The following CDH26 variants were observed in gnomAD, a reference collection of about 807,000 sequenced individuals.
CDH26 encodes the protein cadherin 26, also known as cadherin-like protein 26.
Under a neutral mutation model 90.3 loss-of-function variants are expected in CDH26, and 83 were observed. The ratio of observed to expected loss-of-function variants is 0.92; its 90% CI spans 0.77 to 1.10. The LOEUF (loss-of-function observed/expected upper bound fraction) is 1.10, where lower values mean the gene tolerates loss of function less well. CDH26 is among the 50% of genes least tolerant of loss of function. The pLI is 0.00. For missense variants in CDH26, 1,013 were observed against 1,037.6 expected (o/e 0.98, Z 0.33); for synonymous variants, 397 against 396.3 (o/e 1.00, Z -0.02).
intron 5 of CDH26, among the ~76,000 whole-genome samples, chr20:59,983,462 T>C (rs979636167): frequency 6.6e-6 from 1 of 152,150 alleles, no homozygotes; most frequent in African/African-American, 2.4e-5. Flanking sequence ...CAACCGACTC[T>C]TACTAGAATG....
chr20:59,974,047 A>G (rs2061297511), intron 4 of CDH26, among the ~76,000 whole-genome samples: 1 of 152,256 alleles, frequency 6.6e-6, no homozygotes, highest in South Asian at 2.1e-4. Flanking sequence ...CTGCAACCTC[A>G]CCAGCATCTG....
At chr20:59,966,802 A>C (rs1450380577) in intron 1 of CDH26, among the ~76,000 whole-genome samples, 1 of 152,218 alleles carries the variant, frequency 6.6e-6, no homozygotes. Flanking sequence ...ATGGATGTTT[A>C]TTACCATAGC....
In CDH26 at chr20:60,005,626, A is replaced by G. The variant is rs376132613; in HGVS notation, c.2221-1087A>G. On this transcript the variant is annotated intron_variant, in intron 16 of 17. Coordinates refer to ENST00000348616, the MANE Select transcript of CDH26 (RefSeq NM_177980.4). Reference sequence around the variant, plus strand: ...CTAAACCCAGGTAAGATCAGAAGTCATCTCAGCCATAAAGGCCACCAGTGA... The same window carrying G: ...CTAAACCCAGGTAAGATCAGAAGTCGTCTCAGCCATAAAGGCCACCAGTGA... Among the ~76,000 whole-genome samples, 40 of 152,252 alleles carry G rather than the reference A, an allele frequency of 2.6e-4. No individual in the cohort carries two copies. The South Asian group carries it at 7.9e-3, about 30-fold the overall frequency.
At position 59,985,585 on chromosome 20, in the gene CDH26, T is replaced by A. The variant is rs1246812178; in HGVS notation, c.837+456T>A. On this transcript the variant is annotated intron_variant, in intron 7 of 17. Transcript: ENST00000348616. Reference sequence around the variant, plus strand: ...GGGATCTGCCCCACGATCCAAACACTTCCCACCAGGCCCCACCTCCAACAC... The same window carrying A: ...GGGATCTGCCCCACGATCCAAACACATCCCACCAGGCCCCACCTCCAACAC... Among the ~76,000 whole-genome samples, 4 of 152,060 alleles carry A rather than the reference T, an allele frequency of 2.6e-5. No homozygotes were observed. The East Asian group carries it at 7.8e-4, about 29-fold the overall frequency.
intron 17 of CDH26, among the ~76,000 whole-genome samples, chr20:60,009,390 A>T (rs2061799184): frequency 6.6e-6 from 1 of 152,182 alleles, no homozygotes; most frequent in Non-Finnish European, 1.5e-5. Flanking sequence ...GCATGTGGTG[A>T]TCATCACGTA....
chr20:60,012,344 G>T (rs1446732713), intron 17 of CDH26, among the ~76,000 whole-genome samples, 183 bp from the exon 18 acceptor site: 1 of 152,132 alleles, frequency 6.6e-6, no homozygotes, highest in Admixed American at 6.5e-5. Context: ...ACTGTAAGGT[G>T]GGATGTCTCC....
chr20:60,006,912 A>G, intron 17 of CDH26, 125 bp downstream of exon 17: 2 of 707,736 alleles, frequency 2.8e-6, no homozygotes, highest in South Asian at 3.4e-5. Context: ...TGCCATAATA[A>G]AATACCATAG....
At chr20:59,960,785 G>T (rs1045247119) in intron 1 of CDH26, among the ~76,000 whole-genome samples, 1 of 152,152 alleles carries the variant, frequency 6.6e-6, no homozygotes, top group African/African-American at 2.4e-5. Flanking sequence ...CCAGACAAAC[G>T]TCATCTTCTC....
In CDH26 at chr20:59,979,601, C is replaced by CTTTTTTTT. The variant is rs559969476; in HGVS notation, c.394-3286_394-3279dup. On this transcript the variant is annotated intron_variant, in intron 4 of 17. Coordinates refer to ENST00000348616, the MANE Select transcript of CDH26 (RefSeq NM_177980.4). ...TGTGGTGAGATAAAGCTGCTATGCA[C>CTTTTTTTT]TTTTTTTTTTTTTTTTTTTTTTTTT... Among the ~76,000 whole-genome samples, 10 of 47,496 alleles carry CTTTTTTTT rather than the reference C, an allele frequency of 2.1e-4. 1 individual carries two copies. The highest frequency in any genetic ancestry group is 2.8e-4 in the Non-Finnish European group (7 of 24,674). The allele number at this position is 47,496 out of a possible 152,430, so 31.2% of individuals were successfully genotyped here.
intron 4 of CDH26, among the ~76,000 whole-genome samples, chr20:59,982,533 G>C (rs1055362412): frequency 6.6e-6 from 1 of 152,206 alleles, no homozygotes; most frequent in Non-Finnish European, 1.5e-5. Flanking sequence ...ATCTTTAACT[G>C]TCTGCTCTCT....
At position 59,992,440 on chromosome 20, in the gene CDH26, T is replaced by C. The variant is rs2061539362; in HGVS notation, c.1346T>C (p.Ile449Thr). ...VSVDKNSGVV[I>T]TVEPIDRESP... is the part of the protein sequence containing the mutation. ...GTCGACAAAAACTCCGGAGTGGTCA[T>C]CACCGTGGAGCCAATTGACCGAGAA... Residue 449 changes from isoleucine to threonine, a missense_variant, in exon 10 of 18, where the codon ATC becomes ACC. Ile to Thr is a moderately conservative substitution (Grantham distance 89, BLOSUM62 -1). Transcript: ENST00000348616. This position sits in a 1 kb window ranked among gnomAD's most constrained non-coding sequence, Gnocchi z 5.0. 1 of 1,614,112 alleles carries C rather than the reference T, an allele frequency of 6.2e-7. No homozygotes were observed. The highest frequency in any genetic ancestry group is 8.5e-7 in the Non-Finnish European group (1 of 1,179,982).
chr20:59,962,795 A>G (rs1216409039), intron 1 of CDH26, among the ~76,000 whole-genome samples: 1 of 152,182 alleles, frequency 6.6e-6, no homozygotes, highest in Non-Finnish European at 1.5e-5. Flanking sequence ...GGCCTTAGGA[A>G]GTGAACTTGA....
At position 59,958,703 on chromosome 20, in the gene CDH26, T is replaced by G; in HGVS notation, c.-24T>G. On this transcript the variant is annotated 5_prime_UTR_variant, in exon 1 of 18. Transcript: ENST00000348616. ...AGGACTGGTCATCAGCTGCACGTTC[T>G]GGGTCTGTCTTGGGTATTCCCATAT... 1.2e-6 allele frequency: 2 copies of G among 1,613,478 alleles called. No individual in the cohort carries two copies. The highest frequency in any genetic ancestry group is 1.7e-6 in the Non-Finnish European group (2 of 1,179,410).
At chr20:59,990,816 G>A (rs959740440) in intron 9 of CDH26, among the ~76,000 whole-genome samples, 27 of 151,904 alleles carry the variant, frequency 1.8e-4, no homozygotes, top group African/African-American at 5.8e-4. Flanking sequence ...AGTCTCTGGG[G>A]GAACTTGTTA....
At position 60,010,051 on chromosome 20, in the gene CDH26, G is replaced by A. The variant is rs766183955; in HGVS notation, c.2296-2476G>A. Among the ~76,000 whole-genome samples the A allele has an allele frequency of 3.7e-4, 56 of 152,108 alleles. 1 individual carries two copies. The highest frequency in any genetic ancestry group is 1.8e-3 in the Admixed American group (28 of 15,274). On this transcript the variant is annotated intron_variant, in intron 17 of 17. Coordinates refer to ENST00000348616, the MANE Select transcript of CDH26 (RefSeq NM_177980.4). ...CAGATGTGCAGGTGAGCATTCCCGC[G>A]CTTCTCGTGGGCACCAAGCCTGACA...
chr20:60,025,770 C>T (rs77114395), intron 7 of CDH26, among the ~76,000 whole-genome samples: 1,798 of 152,266 alleles, frequency 0.012, 18 homozygotes, highest in Non-Finnish European at 0.019. Context: ...CCTAGATCGC[C>T]AACCCTGGGC....
downstream of CDH26, among the ~76,000 whole-genome samples, chr20:60,016,177 T>A (rs866638624): frequency 6.6e-6 from 1 of 152,188 alleles, no homozygotes; most frequent in African/African-American, 2.4e-5. Flanking sequence ...GGTGTTTTGA[T>A]AGGGATTGCA....
intron 7 of CDH26, among the ~76,000 whole-genome samples, chr20:60,021,932 T>C (rs946152004): frequency 1.9e-5 from 2 of 103,842 alleles, no homozygotes; most frequent in Non-Finnish European, 4.4e-5. Context: ...ACTATTTTCA[T>C]AGGCCTTTCG....
In CDH26 at chr20:59,995,750, G is replaced by A. The variant is rs961601050; in HGVS notation, c.1667-83G>A. On this transcript the variant is annotated intron_variant, in intron 11 of 17. Coordinates refer to ENST00000348616, the MANE Select transcript of CDH26 (RefSeq NM_177980.4). ...CTTACTTTCATACAGAGCTTGGCCC[G>A]TGCAGGGCGTTCAGTAAGCGTGTGT... 2.4e-5 allele frequency: 31 copies of A among 1,287,106 alleles called. No homozygotes were observed. The East Asian group carries it at 2.6e-4, about 11-fold the overall frequency. 79.7% of individuals were successfully genotyped at this position (1,287,106 alleles called of 1,614,324 possible).
Sources: gnomAD v4.1 joint callset for allele counts (sites outside exome capture counted in the v4.1 genomes callset) on GRCh38, gnomAD v4.1.1 for gene constraint, Gnocchi (gnomAD v3.1) non-coding constraint, MANE v1.5 for transcripts, NCBI Gene and HGNC (gene_info 2026-07-23, HGNC 2026-07-21) for gene names.